The following RORA variants were observed in gnomAD, a reference collection of about 807,000 sequenced individuals.
RORA encodes RAR related orphan receptor A.
Under a neutral mutation model 69.5 loss-of-function variants are expected in RORA, and 7 were observed. The observed-to-expected ratio is 0.10, with a 90% CI of 0.06 to 0.19. RORA has a LOEUF of 0.19. RORA is among the 10% of genes least tolerant of loss of function. The pLI is 1.00. For synonymous variants in RORA, 261 were observed against 240.8 expected (o/e 1.08, Z -0.78); for missense variants, 457 against 663.0 (o/e 0.69, Z 3.41).
intron 1 of RORA, among the ~76,000 whole-genome samples, chr15:61,157,190 T>C (rs888969511): frequency 2.0e-5 from 3 of 152,136 alleles, no homozygotes; most frequent in African/African-American, 4.8e-5. Context: ...CAAGTGAGAA[T>C]AGATTATATC....
intron 2 of RORA, among the ~76,000 whole-genome samples, chr15:60,557,774 A>G (rs1262830965): frequency 1.3e-5 from 2 of 152,244 alleles, no homozygotes; most frequent in African/African-American, 2.4e-5. Flanking sequence ...GCAAACAGCA[A>G]TGAATCTCAG....
rs1256636696 is a variant in RORA at position 60,514,719 on chromosome 15, G to A, written c.321C>T (p.Tyr107=). The change falls in exon 4 of 11, where the codon TAC becomes TAT. Residue 107 remains tyrosine, a synonymous_variant. Transcript: ENST00000335670. ...FRRSQQSNAT[Y]SCPRQKNCLI... ...AACAGTTCTTCTGACGAGGACAGGA[G>A]TAGGTGGCATTGCTTTGCTGACTTC... 1.9e-6 allele frequency: 3 copies of A among 1,613,872 alleles called. No individual in the cohort carries two copies. The African/African-American group carries it at 4.0e-5, about 22-fold the overall frequency.
chr15:60,939,212 T>C (rs911299082), intron 1 of RORA, among the ~76,000 whole-genome samples: 1 of 152,206 alleles, frequency 6.6e-6, no homozygotes, highest in African/African-American at 2.4e-5. Flanking sequence ...ATTCCATTCA[T>C]TGTATTATAT....
chr15:60,921,749 C>T (rs1892054803), intron 1 of RORA, among the ~76,000 whole-genome samples: 1 of 152,154 alleles, frequency 6.6e-6, no homozygotes, highest in Non-Finnish European at 1.5e-5. Context: ...TTCACTTTAC[C>T]TTTACGCTAC....
intron 1 of RORA, among the ~76,000 whole-genome samples, chr15:61,094,012 G>C (rs1055461451): frequency 3.3e-5 from 5 of 152,192 alleles, no homozygotes; most frequent in Non-Finnish European, 7.3e-5. Context: ...TATTTTCCAA[G>C]GTTCAACATG....
At chr15:60,533,142 C>T in intron 2 of RORA, among the ~76,000 whole-genome samples, 1 of 152,148 alleles carries the variant, frequency 6.6e-6, no homozygotes, top group Non-Finnish European at 1.5e-5. Flanking sequence ...CATTATAAAC[C>T]ATGTGTACTG....
rs60830259 is a variant in RORA at position 61,040,113 on chromosome 15, G to GATATATAT, written c.166+188932_166+188939dup. On this transcript the variant is annotated intron_variant, in intron 1 of 10. Coordinates refer to ENST00000335670, the MANE Select transcript of RORA (RefSeq NM_134261.3). ...TCTAATGGCTATGATCACAAGCTTT[G>GATATATAT]ATATATATATATATATATATATATA... 5.9e-3 allele frequency among the ~76,000 whole-genome samples: 274 copies of GATATATAT among 46,234 alleles called. 5 individuals carry two copies. The highest frequency in any genetic ancestry group is 8.1e-3 in the Non-Finnish European group (198 of 24,574). 30.3% of individuals were successfully genotyped at this position (46,234 alleles called of 152,430 possible).
intron 1 of RORA, among the ~76,000 whole-genome samples, chr15:60,847,057 G>C (rs62006787): frequency 0.021 from 3,238 of 152,264 alleles, 53 homozygotes; most frequent in Non-Finnish European, 0.035. Flanking sequence ...TAGCTTAAAA[G>C]TGCCTGGAAT....
chr15:60,842,167 G>A (rs1366583953), intron 1 of RORA, among the ~76,000 whole-genome samples: 1 of 151,912 alleles, frequency 6.6e-6, no homozygotes, highest in Non-Finnish European at 1.5e-5. Flanking sequence ...CCACCCCAGG[G>A]CCGTCGTCCA....
At chr15:60,995,730 G>A (rs772126318) in intron 1 of RORA, among the ~76,000 whole-genome samples, 1 of 152,224 alleles carries the variant, frequency 6.6e-6, no homozygotes, top group Non-Finnish European at 1.5e-5. Flanking sequence ...CTACAAGACA[G>A]TGAAGGCTTC....
chr15:60,584,048 C>A (rs2068263208), intron 2 of RORA, among the ~76,000 whole-genome samples: 1 of 152,152 alleles, frequency 6.6e-6, no homozygotes, highest in Admixed American at 6.5e-5. Flanking sequence ...AGATCAATGA[C>A]ATTTGGGAAC....
At position 60,850,446 on chromosome 15, in the gene RORA, A is replaced by G. The variant is rs114083790; in HGVS notation, c.167-171760T>C. Among the ~76,000 whole-genome samples the G allele has an allele frequency of 6.6e-3, 1,012 of 152,268 alleles. 18 individuals are homozygous for G. The highest frequency in any genetic ancestry group is 0.023 in the African/African-American group (950 of 41,560). On this transcript the variant is annotated intron_variant, in intron 1 of 10. Transcript: ENST00000335670. The stretch of plus-strand genomic sequence containing the variant: ...TACCCGATTCAAATCCTGACTCCAC[A>G]TGACTCCTGGGGAGGTTACTTGACC...
chr15:60,892,623 CTG>C (rs1393767740), intron 1 of RORA, among the ~76,000 whole-genome samples: 1 of 152,222 alleles, frequency 6.6e-6, no homozygotes, highest in Non-Finnish European at 1.5e-5. Flanking sequence ...GCCTACACCT[CTG>C]TGTCAGGGAG....
intron 1 of RORA, among the ~76,000 whole-genome samples, chr15:61,076,936 T>TAAA (rs76513450): frequency 4.3e-5 from 6 of 139,606 alleles, no homozygotes. Flanking sequence ...TTGTTCAAAG[T>TAAA]AAAAAAAAAA....
Position 60,838,843 on chromosome 15 carries a change from AACACACACAC to A in RORA, c.167-160167_167-160158del, listed in dbSNP as rs58762022. ...TGGTCATCCTTCAAAACATTCATTC[AACACACACAC>A]ACACACACACACACACACACACACA... On this transcript the variant is annotated intron_variant, in intron 1 of 10. Transcript: ENST00000335670. Among the ~76,000 whole-genome samples, 858 of 122,074 alleles carry A rather than the reference AACACACACAC, an allele frequency of 7.0e-3. 22 individuals carry two copies. The East Asian group carries it at 0.073, about 10-fold the overall frequency. The allele number at this position is 122,074 out of a possible 152,430, so 80.1% of individuals were successfully genotyped here. A position where few individuals can be genotyped will look rare whatever the true frequency, so the allele number is the denominator to read the frequency against.
intron 1 of RORA, among the ~76,000 whole-genome samples, chr15:60,702,961 C>T (rs1199200905): frequency 6.6e-6 from 1 of 152,160 alleles, no homozygotes; most frequent in Non-Finnish European, 1.5e-5. Flanking sequence ...CATAAACAGC[C>T]TTTCTCACAA....
intron 1 of RORA, among the ~76,000 whole-genome samples, chr15:61,154,205 T>G (rs1457476886): frequency 6.6e-6 from 1 of 152,174 alleles, no homozygotes; most frequent in Non-Finnish European, 1.5e-5. Context: ...TTTGGGGTCT[T>G]TGACTGACAT....
intron 1 of RORA, among the ~76,000 whole-genome samples, chr15:60,878,587 C>G (rs2073645652): frequency 6.6e-6 from 1 of 152,188 alleles, no homozygotes; most frequent in Non-Finnish European, 1.5e-5. Flanking sequence ...CCTGACCATC[C>G]TCGGAGGTCA....
At chr15:61,134,153 T>A (rs973901468) in intron 1 of RORA, among the ~76,000 whole-genome samples, 1 of 152,176 alleles carries the variant, frequency 6.6e-6, no homozygotes, top group Non-Finnish European at 1.5e-5. Flanking sequence ...CATTTATGGC[T>A]CAATGAAACT....
Sources: gnomAD v4.1 joint callset for allele counts (sites outside exome capture counted in the v4.1 genomes callset) on GRCh38, gnomAD v4.1.1 for gene constraint, MANE v1.5 for transcripts, NCBI Gene and HGNC (gene_info 2026-07-23, HGNC 2026-07-21) for gene names.